KCNN3: variants seen among roughly 807,000 people sequenced by gnomAD.
KCNN3 encodes the protein small conductance calcium-activated potassium channel protein 3.
KCNN3 carries 16 observed loss-of-function variants against 62.9 expected under a neutral mutation model. That is an observed-to-expected ratio of 0.25 (90% CI 0.17 to 0.39). The LOEUF is 0.39. Among genes scored for constraint, KCNN3 ranks in the 10% least tolerant of loss-of-function variants. KCNN3 has a pLI of 1.00. For missense variants in KCNN3, 599 were observed against 949.4 expected, an observed-to-expected ratio of 0.63 and a Z score of 4.85; for synonymous variants, 370 against 389.2, an observed-to-expected ratio of 0.95 and a Z score of 0.58.
intron 2 of KCNN3, among the ~76,000 whole-genome samples, chr1:154,773,082 G>A (rs1311432656): frequency 2.0e-5 from 3 of 152,160 alleles, no homozygotes; most frequent in Non-Finnish European, 4.4e-5. Flanking sequence ...GTGTTACAGA[G>A]ATTTGTTGTG....
chr1:154,821,768 T>A (rs1650909998), intron 2 of KCNN3, among the ~76,000 whole-genome samples: 1 of 152,190 alleles, frequency 6.6e-6, no homozygotes, highest in African/African-American at 2.4e-5. Flanking sequence ...GAGCAATGCA[T>A]CAGGGGCTCT....
chr1:154,832,200 C>A lies in KCNN3; in HGVS notation c.934-10016G>T, dbSNP rs139846351. 3.4e-4 allele frequency among the ~76,000 whole-genome samples: 52 copies of A among 151,910 alleles called. 1 individual carries two copies. The East Asian group carries it at 9.2e-3, about 27-fold the overall frequency. Reference sequence around the variant, plus strand: ...CCTTCTCCAATAAAAAAATGGGCTCCTGATGAGCTTTTAGCCTCCTCTGCT... The same window carrying A: ...CCTTCTCCAATAAAAAAATGGGCTCATGATGAGCTTTTAGCCTCCTCTGCT... On this transcript the variant is annotated intron_variant, in intron 1 of 7. Transcript: ENST00000271915.
intron 3 of KCNN3, among the ~76,000 whole-genome samples, chr1:154,740,112 A>G (rs1255518919): frequency 6.6e-6 from 1 of 152,224 alleles, no homozygotes; most frequent in East Asian, 1.9e-4. Context: ...TTCAACATAT[A>G]TATTATATTG....
At chr1:154,797,322 T>C (rs1649774498) in intron 2 of KCNN3, among the ~76,000 whole-genome samples, 1 of 152,198 alleles carries the variant, frequency 6.6e-6, no homozygotes, top group Non-Finnish European at 1.5e-5. Flanking sequence ...GGGTTCGAAT[T>C]CTGACTCCTC....
chr1:154,772,693 G>A lies in KCNN3; in HGVS notation c.1030-300C>T, dbSNP rs1369582024. Among the ~76,000 whole-genome samples the A allele has an allele frequency of 6.6e-6, 1 of 152,152 alleles. No individual in the cohort carries two copies. Among genetic ancestry groups the A allele is most frequent in the Non-Finnish European group, 1.5e-5 (1 of 68,026 alleles). On this transcript the variant is annotated intron_variant, in intron 2 of 7. Transcript: ENST00000271915. The surrounding 1 kb of genome is among the most constrained non-coding windows in gnomAD (Gnocchi z 5.6). ...TTTATAATAAGAAATAATGTACTTG[G>A]TCTTTATCCTGGTTTAGGCACAGTT...
chr1:154,716,108 C>T (rs774371471), intron 5 of KCNN3, among the ~76,000 whole-genome samples: 8 of 152,256 alleles, frequency 5.3e-5, no homozygotes, highest in Non-Finnish European at 1.0e-4. Context: ...CACGTTTCAA[C>T]ATATGACGCT....
rs1006048185 is a variant in KCNN3, at chr1:154,698,829, A to T, written c.*9147T>A. The stretch of plus-strand genomic sequence containing the variant: ...GTTACCAAAAGGAAGCCATATTTGG[A>T]GCTGGTCTAAGCTCCAGCCCCTGCA... On this transcript the variant is annotated 3_prime_UTR_variant, in exon 8 of 8. Coordinates refer to ENST00000271915, the MANE Select transcript of KCNN3 (RefSeq NM_002249.6). 6.6e-6 allele frequency: 1 copy of T among 152,118 alleles called. No homozygotes were observed. Among genetic ancestry groups the T allele is most frequent in the African/African-American group, 2.4e-5 (1 of 41,400 alleles). The allele number at this position is 152,118 out of a possible 1,614,324, so 9.4% of individuals were successfully genotyped here.
At chr1:154,769,727 T>C (rs1648463856) in intron 3 of KCNN3, among the ~76,000 whole-genome samples, 1 of 152,154 alleles carries the variant, frequency 6.6e-6, no homozygotes, top group African/African-American at 2.4e-5. Context: ...GCTACGCAAA[T>C]TCAATTACTA....
chr1:154,842,632 C>A (rs928070453), intron 1 of KCNN3, among the ~76,000 whole-genome samples: 27 of 14,326 alleles, frequency 1.9e-3, no homozygotes, highest in South Asian at 0.016. Flanking sequence ...TTCAGGGACC[C>A]CCCCCCCGCC....
Position 154,708,124 on chromosome 1 carries a change from T to TGGCGCAGGGTGTCGGCGATGAGC in KCNN3, c.2025_2047dup (p.Gln683ArgfsTer59). On this transcript the variant is annotated frameshift_variant, in exon 8 of 8. Coordinates refer to ENST00000271915, the MANE Select transcript of KCNN3 (RefSeq NM_002249.6). LOFTEE classifies it high-confidence loss of function. Reference sequence around the variant, plus strand: ...GGCAGACAGGAGCTGCTGCTGCTGCTGGCGCAGGGTGTCGGCGATGAGCAG... The same window carrying TGGCGCAGGGTGTCGGCGATGAGC: ...GGCAGACAGGAGCTGCTGCTGCTGCTGGCGCAGGGTGTCGGCGATGAGCGGCGCAGGGTGTCGGCGATGAGCAG... The TGGCGCAGGGTGTCGGCGATGAGC allele has an allele frequency of 6.2e-7, 1 of 1,613,788 alleles. No homozygotes were observed. Among genetic ancestry groups the TGGCGCAGGGTGTCGGCGATGAGC allele is most frequent in the Non-Finnish European group, 8.5e-7 (1 of 1,179,984 alleles).
At chr1:154,793,796 T>G (rs2101865793) in intron 2 of KCNN3, among the ~76,000 whole-genome samples, 1 of 152,280 alleles carries the variant, frequency 6.6e-6, no homozygotes, top group Non-Finnish European at 1.5e-5. Context: ...CAAGGAATAC[T>G]AAAGACCTGC....
At chr1:154,864,175 G>A (rs1652871613) in intron 1 of KCNN3, among the ~76,000 whole-genome samples, 1 of 152,216 alleles carries the variant, frequency 6.6e-6, no homozygotes, top group African/African-American at 2.4e-5. Flanking sequence ...TCCTGGTCCT[G>A]CAGGTCACCC....
chr1:154,760,480 C>T (rs146953751), intron 3 of KCNN3, among the ~76,000 whole-genome samples: 28 of 152,006 alleles, frequency 1.8e-4, no homozygotes, highest in African/African-American at 6.3e-4. Context: ...CTGGAGCCGC[C>T]GGCCCAGCCC....
chr1:154,747,036 G>A (rs753228400), intron 3 of KCNN3, among the ~76,000 whole-genome samples: 3 of 152,034 alleles, frequency 2.0e-5, no homozygotes, highest in East Asian at 1.9e-4. Context: ...CTGCAACCCC[G>A]GCCCTCTTCC....
At chr1:154,859,734 C>T (rs1204143071) in intron 1 of KCNN3, 1 of 1,614,178 alleles carries the variant, frequency 6.2e-7, no homozygotes, top group South Asian at 1.1e-5. Context: ...AGCAAAACAC[C>T]AAACAACTGT....
intron 2 of KCNN3, among the ~76,000 whole-genome samples, chr1:154,794,090 C>T (rs1300772807): frequency 6.6e-6 from 1 of 152,250 alleles, no homozygotes; most frequent in African/African-American, 2.4e-5. Flanking sequence ...CTTCTTGACA[C>T]ACAATCTTTC....
At chr1:154,720,949 G>C (rs1700334267) in intron 5 of KCNN3, among the ~76,000 whole-genome samples, 1 of 152,210 alleles carries the variant, frequency 6.6e-6, no homozygotes. Context: ...CCAGGGTCCA[G>C]AGGAGTCAGA....
intron 3 of KCNN3, among the ~76,000 whole-genome samples, chr1:154,768,948 C>T (rs770024721): frequency 3.3e-5 from 5 of 152,088 alleles, no homozygotes; most frequent in East Asian, 1.9e-4. Flanking sequence ...AAGATTTCCT[C>T]GTATGTGCAG....
At chr1:154,728,417 T>C (rs1700514498) in intron 4 of KCNN3, among the ~76,000 whole-genome samples, 2 of 152,198 alleles carry the variant, frequency 1.3e-5, no homozygotes, top group South Asian at 4.1e-4. Flanking sequence ...TTCCATTGAC[T>C]GGATGTAATT....
Sources: gnomAD v4.1 joint callset for allele counts (sites outside exome capture counted in the v4.1 genomes callset) on GRCh38, gnomAD v4.1.1 for gene constraint, Gnocchi (gnomAD v3.1) non-coding constraint, MANE v1.5 for transcripts, NCBI Gene and HGNC (gene_info 2026-07-23, HGNC 2026-07-21) for gene names.